The following ABCG1 variants were observed in gnomAD, a reference collection of about 807,000 sequenced individuals.
ABCG1 encodes the protein ATP-binding cassette sub-family G member 1.
In ABCG1, 29 loss-of-function variants were observed where a neutral mutation model predicts 69.2. That is an observed-to-expected ratio of 0.42 (90% confidence interval 0.31 to 0.57). The LOEUF (loss-of-function observed/expected upper bound fraction) is 0.57. Ranked by LOEUF, ABCG1 falls within the 20% of genes least tolerant of loss-of-function variation. ABCG1 has a pLI of 0.15. For missense variants in ABCG1, 718 were observed against 898.1 expected, an observed-to-expected ratio of 0.80 and a Z score of 2.56; for synonymous variants, 370 against 374.8, an observed-to-expected ratio of 0.99 and a Z score of 0.15.
intron 2 of ABCG1, among the ~76,000 whole-genome samples, chr21:42,270,077 G>C (rs1032622082): frequency 1.3e-5 from 2 of 152,020 alleles, no homozygotes; most frequent in African/African-American, 4.8e-5. Context: ...TGGCTAACAC[G>C]GTGAAACCCT....
chr21:42,291,747 C>T lies in ABCG1; in HGVS notation c.1653+91C>T. On this transcript the variant is annotated intron_variant, in intron 13 of 14. Coordinates refer to ENST00000398449, the MANE Select transcript of ABCG1 (RefSeq NM_016818.3). The surrounding 1 kb of genome is among the most constrained non-coding windows in gnomAD (Gnocchi z 6.4). ...AGCTAGGGGGCTCTGCCACCCCTTCCCCTACTTCTGCCCTGACCCTCCTAG... is the reference window on the plus strand; with the variant it reads ...AGCTAGGGGGCTCTGCCACCCCTTCTCCTACTTCTGCCCTGACCCTCCTAG... The T allele has an allele frequency of 7.1e-7, 1 of 1,405,320 alleles. No homozygotes were observed. The highest frequency in any genetic ancestry group is 9.4e-7 in the Non-Finnish European group (1 of 1,058,774). 87.1% of individuals were successfully genotyped at this position (1,405,320 alleles called of 1,614,324 possible).
intron 2 of ABCG1, among the ~76,000 whole-genome samples, chr21:42,203,110 C>A (rs906680016): frequency 6.6e-6 from 1 of 152,098 alleles, no homozygotes; most frequent in Non-Finnish European, 1.5e-5. Context: ...AAAAGAAGAA[C>A]CTGGACTTAA....
chr21:42,278,173 A>G (rs898457718), intron 5 of ABCG1, among the ~76,000 whole-genome samples: 1 of 152,222 alleles, frequency 6.6e-6, no homozygotes, highest in African/African-American at 2.4e-5. Context: ...TGGAAATCAC[A>G]TGTGTTCCTG....
chr21:42,258,762 G>A (rs555223107), intron 2 of ABCG1, among the ~76,000 whole-genome samples: 4 of 152,200 alleles, frequency 2.6e-5, no homozygotes, highest in South Asian at 2.1e-4. Context: ...TGTAAGACTC[G>A]GGATGAGGGC....
Position 42,273,407 on chromosome 21 carries a change from C to T in ABCG1, c.509C>T (p.Pro170Leu), listed in dbSNP as rs747985754. The change falls in exon 4 of 15, where the codon CCG becomes CTG. Residue 170 changes from proline to leucine, a missense_variant. This residue lies in a region of ABCG1 where 514 missense variants were observed against 574.3 expected (regional missense o/e 0.90). Coordinates refer to ENST00000398449, the MANE Select transcript of ABCG1 (RefSeq NM_016818.3). The surrounding 1 kb of genome is among the most constrained non-coding windows in gnomAD (Gnocchi z 5.3). ...CYIMQDDMLL[P>L]HLTVQEAMMV... ...ATCATGCAGGATGACATGCTGCTGC[C>T]GCATCTCACTGTGCAGGAGGCCATG... The T allele has an allele frequency of 1.9e-5, 31 of 1,613,768 alleles. No individual in the cohort carries two copies. Among genetic ancestry groups the T allele is most frequent in the Non-Finnish European group, 2.5e-5 (29 of 1,179,984 alleles).
chr21:42,200,815 C>T (rs1328315476), intron 1 of ABCG1, among the ~76,000 whole-genome samples: 3 of 152,144 alleles, frequency 2.0e-5, no homozygotes, highest in Non-Finnish European at 4.4e-5. Context: ...TCTCGAACTC[C>T]TGACTTCAAG....
At chr21:42,201,566 C>G in intron 1 of ABCG1, 1 of 1,507,240 alleles carries the variant, frequency 6.6e-7, no homozygotes, top group Non-Finnish European at 9.0e-7. Flanking sequence ...CCTTCTTCCA[C>G]TCCACCACAG....
chr21:42,240,728 G>A (rs766616285), intron 2 of ABCG1, among the ~76,000 whole-genome samples: 1 of 152,244 alleles, frequency 6.6e-6, no homozygotes, highest in African/African-American at 2.4e-5. Context: ...GATTACAGGC[G>A]TGAGCCACCG....
At chr21:42,235,686 G>A (rs191406999) in intron 2 of ABCG1, among the ~76,000 whole-genome samples, 2 of 152,228 alleles carry the variant, frequency 1.3e-5, no homozygotes, top group Non-Finnish European at 1.5e-5. Flanking sequence ...TACGATACGG[G>A]GCTGTGGGGA....
At chr21:42,248,425 G>T (rs972483494) in intron 2 of ABCG1, among the ~76,000 whole-genome samples, 4 of 152,198 alleles carry the variant, frequency 2.6e-5, no homozygotes, top group South Asian at 2.1e-4. Context: ...CCACCCGTGG[G>T]GGGTGCAGGG....
At position 42,287,997 on chromosome 21, in the gene ABCG1, C is replaced by A. The variant is rs1401780715; in HGVS notation, c.1082C>A (p.Ala361Asp). The A allele has an allele frequency of 1.2e-6, 2 of 1,613,126 alleles. No homozygotes were observed. The highest frequency in any genetic ancestry group is 1.3e-5 in the African/African-American group (1 of 74,976). Residue 361 changes from alanine to aspartate, a missense_variant, in exon 9 of 15, where the codon GCC becomes GAC. By Grantham distance (126) the Ala-to-Asp change is moderately radical. Around this residue, in one of 2 missense-constraint regions of ABCG1, gnomAD observed 514 missense variants for 574.3 expected, o/e 0.90. Coordinates refer to ENST00000398449, the MANE Select transcript of ABCG1 (RefSeq NM_016818.3). This position sits in a 1 kb window ranked among gnomAD's most constrained non-coding sequence, Gnocchi z 6.2. ...SDHKRDLGGDAEVNPFLWHRP... is the reference protein window; with the variant it reads ...SDHKRDLGGDDEVNPFLWHRP... Reference sequence around the variant, plus strand: ...CACAAGAGAGACCTCGGGGGTGATGCCGAGGTGAACCCTTTTCTTTGGCAC... The same window carrying A: ...CACAAGAGAGACCTCGGGGGTGATGACGAGGTGAACCCTTTTCTTTGGCAC...
rs1486506724 is a variant in ABCG1, at chr21:42,256,239, C to T, written c.287-14831C>T. ...GTTTCCCATACAAGAAAGATGCTAG[C>T]AGTGCAACAGACAGAACACTTACCT... is the stretch of plus-strand genomic sequence containing the variant. On this transcript the variant is annotated intron_variant, in intron 2 of 14. Transcript: ENST00000398449. The T allele has an allele frequency of 2.1e-6, 3 of 1,460,770 alleles. No individual in the cohort carries two copies. The African/African-American group carries it at 4.3e-5, about 21-fold the overall frequency. 90.5% of individuals were successfully genotyped at this position (1,460,770 alleles called of 1,614,324 possible). A position where few individuals can be genotyped will look rare whatever the true frequency, so the allele number is the denominator to read the frequency against.
In ABCG1 at chr21:42,276,651, G is replaced by T; in HGVS notation, c.538-244G>T. On this transcript the variant is annotated intron_variant, in intron 4 of 14. Coordinates refer to ENST00000398449, the MANE Select transcript of ABCG1 (RefSeq NM_016818.3). The surrounding 1 kb of genome is among the most constrained non-coding windows in gnomAD (Gnocchi z 5.3). Reference sequence around the variant, plus strand: ...CTGCATGGTGGCTAGTTGCACCGTGGCTAGTGGCCTTATGCCTAGCTGCAC... The same window carrying T: ...CTGCATGGTGGCTAGTTGCACCGTGTCTAGTGGCCTTATGCCTAGCTGCAC... 2.1e-6 allele frequency: 1 copy of T among 467,570 alleles called. No individual in the cohort carries two copies. The highest frequency in any genetic ancestry group is 3.5e-5 in the South Asian group (1 of 28,312). The allele number at this position is 467,570 out of a possible 1,614,324, so 29.0% of individuals were successfully genotyped here.
At chr21:42,284,725 C>CT (rs1569237685) in intron 7 of ABCG1, 42 bp downstream of exon 7, 8 of 1,603,566 alleles carry the variant, frequency 5.0e-6, no homozygotes, top group Non-Finnish European at 6.8e-6. Flanking sequence ...TACCACTGCA[C>CT]TCAGGTCAGC....
chr21:42,219,472 C>T lies in ABCG1; in HGVS notation c.42+168C>T, dbSNP rs534130147. ...GCCCGGCTCCGATCGCTGCCCCTGC[C>T]CCTCCGCCAGGGCCACCTGGAGCCT... On this transcript the variant is annotated intron_variant, in intron 1 of 14. Coordinates refer to ENST00000398449, the MANE Select transcript of ABCG1 (RefSeq NM_016818.3). The surrounding 1 kb of genome is among the most constrained non-coding windows in gnomAD (Gnocchi z 5.3). Among the ~76,000 whole-genome samples the T allele has an allele frequency of 1.3e-5, 2 of 152,352 alleles. No homozygotes were observed. The highest frequency in any genetic ancestry group is 4.1e-4 in the South Asian group (2 of 4,830).
At chr21:42,222,112 G>A (rs2067737725) in intron 1 of ABCG1, among the ~76,000 whole-genome samples, 1 of 152,098 alleles carries the variant, frequency 6.6e-6, no homozygotes, top group African/African-American at 2.4e-5. Flanking sequence ...GGTGGGGGAA[G>A]GTCAAAGACA....
intron 1 of ABCG1, chr21:42,220,107 C>G: frequency 1.4e-6 from 2 of 1,465,566 alleles, no homozygotes; most frequent in South Asian, 2.5e-5. Flanking sequence ...GCATTAGGAA[C>G]AAACAACAAA....
intron 6 of ABCG1, 75 bp from the exon 7 acceptor site, chr21:42,284,485 C>T: frequency 6.4e-7 from 1 of 1,567,896 alleles, no homozygotes; most frequent in Non-Finnish European, 8.6e-7. Flanking sequence ...CAGGAACTCC[C>T]TGGACCCCCG....
rs955260392 is a variant in ABCG1 at position 42,256,733 on chromosome 21, C to G, written c.287-14337C>G. 1.3e-5 allele frequency: 18 copies of G among 1,383,814 alleles called. No individual in the cohort carries two copies. The Admixed American group carries it at 2.1e-4, about 16-fold the overall frequency. 85.7% of individuals were successfully genotyped at this position (1,383,814 alleles called of 1,614,324 possible). On this transcript the variant is annotated intron_variant, in intron 2 of 14. Coordinates refer to ENST00000398449, the MANE Select transcript of ABCG1 (RefSeq NM_016818.3). The stretch of plus-strand genomic sequence containing the variant: ...TCTGGGAGCATTGCAGGAATAGGCT[C>G]TGGCTCTTCAGAAATGATCACGAGC...
Sources: allele counts gnomAD v4.1 joint callset (sites outside exome capture counted in the v4.1 genomes callset), GRCh38; gene constraint gnomAD v4.1.1; regional missense constraint gnomAD v4.1.1; non-coding constraint Gnocchi (gnomAD v3.1); transcripts MANE v1.5; gene names NCBI Gene and HGNC (gene_info 2026-07-23, HGNC 2026-07-21).